LDLRAD4: variants seen among roughly 807,000 people sequenced by gnomAD.
The protein encoded by LDLRAD4 is low-density lipoprotein receptor class A domain-containing protein 4.
In LDLRAD4, 5 loss-of-function variants were observed where a neutral mutation model predicts 17.0. The observed-to-expected ratio is 0.29, with a 90% CI of 0.15 to 0.62. The LOEUF (loss-of-function observed/expected upper bound fraction) is 0.62, where lower values mean the gene tolerates loss of function less well. LDLRAD4 is among the 20% of genes least tolerant of loss of function. The probability of loss-of-function intolerance (pLI) is 0.84; values close to 1 mark genes in which losing one functional copy is unlikely to be tolerated. For synonymous variants in LDLRAD4, 168 were observed against 171.8 expected (o/e 0.98, Z 0.17); for missense variants, 340 against 424.7 (o/e 0.80, Z 1.75).
intron 3 of LDLRAD4, among the ~76,000 whole-genome samples, chr18:13,593,150 TA>T (rs1279265604): frequency 6.6e-6 from 1 of 152,080 alleles, no homozygotes; most frequent in Admixed American, 6.5e-5. Flanking sequence ...CTGACTCTAC[TA>T]AAAGTACATA....
upstream of LDLRAD4, among the ~76,000 whole-genome samples, chr18:13,274,346 C>T (rs1394060878): frequency 6.6e-6 from 1 of 152,200 alleles, no homozygotes; most frequent in Non-Finnish European, 1.5e-5. Context: ...AGGGGTCGGC[C>T]AGTGACCCCT....
At chr18:13,259,831 C>G (rs557300711) in intron 1 of LDLRAD4, among the ~76,000 whole-genome samples, 6 of 152,290 alleles carry the variant, frequency 3.9e-5, no homozygotes, top group Middle Eastern at 6.8e-3. Flanking sequence ...CTTGGCTGTA[C>G]CTGTAATGAC....
chr18:13,488,067 G>C (rs1275246692), intron 3 of LDLRAD4: 1 of 152,428 alleles, frequency 6.6e-6, no homozygotes, highest in East Asian at 1.9e-4. Context: ...TGGAAAAGCA[G>C]CCATCTGGCC....
chr18:13,282,793 T>C (rs977984993), intron 1 of LDLRAD4, among the ~76,000 whole-genome samples: 1 of 152,220 alleles, frequency 6.6e-6, no homozygotes, highest in African/African-American at 2.4e-5. Context: ...CATGCCCCAG[T>C]AGGGACTCTG....
At chr18:13,626,544 A>G (rs2041184772) in intron 4 of LDLRAD4, among the ~76,000 whole-genome samples, 1 of 152,252 alleles carries the variant, frequency 6.6e-6, no homozygotes, top group Non-Finnish European at 1.5e-5. Flanking sequence ...AGATTGAAGC[A>G]TATGAAATTG....
At chr18:13,532,757 C>T (rs1234742615) in intron 3 of LDLRAD4, among the ~76,000 whole-genome samples, 2 of 152,324 alleles carry the variant, frequency 1.3e-5, no homozygotes, top group Admixed American at 1.3e-4. Flanking sequence ...AGCAGTGGCG[C>T]TTGTGAAATA....
At position 13,322,290 on chromosome 18, in the gene LDLRAD4, C is replaced by CTTTT. The variant is rs370707500; in HGVS notation, c.-383+44120_-383+44123dup. ...TTATTTAAGCCAGTCACTTTTCTCA[C>CTTTT]TTTTTTTTTTTTTTTTTTTTTGGTT... On this transcript the variant is annotated intron_variant, in intron 1 of 5. Coordinates refer to ENST00000359446, the Ensembl canonical transcript of LDLRAD4. 3.7e-4 allele frequency among the ~76,000 whole-genome samples: 41 copies of CTTTT among 109,736 alleles called. 1 individual carries two copies. The highest frequency in any genetic ancestry group is 1.3e-3 in the African/African-American group (35 of 26,460). The allele number at this position is 109,736 out of a possible 152,430, so 72.0% of individuals were successfully genotyped here.
chr18:13,558,910 T>A (rs920239530), intron 3 of LDLRAD4, among the ~76,000 whole-genome samples: 7 of 2,892 alleles, frequency 2.4e-3, no homozygotes, highest in African/African-American at 3.7e-3. Context: ...CAAGAGCAAG[T>A]CATCGGGGGC....
chr18:13,645,442 G>T lies in LDLRAD4; in HGVS notation c.706G>T (p.Gly236Cys). 6.2e-7 allele frequency: 1 copy of T among 1,614,026 alleles called. No individual in the cohort carries two copies. The highest frequency in any genetic ancestry group is 8.5e-7 in the Non-Finnish European group (1 of 1,180,012). Residue 236 changes from glycine (G) to cysteine (C), a missense_variant, in exon 6 of 6, where the codon GGC becomes TGC. Gly to Cys is a radical substitution (Grantham distance 159). Coordinates refer to ENST00000359446, the Ensembl canonical transcript of LDLRAD4. The surrounding 1 kb of genome is among the most constrained non-coding windows in gnomAD (Gnocchi z 5.7). ...TCCATGCCCACCCAGCAGCAACTCG[G>T]GCATCAGTGCAAGCACCTGCAGCAG...
chr18:13,448,827 A>G (rs1405590375), intron 3 of LDLRAD4, among the ~76,000 whole-genome samples: 5 of 152,160 alleles, frequency 3.3e-5, no homozygotes, highest in Admixed American at 3.3e-4. Flanking sequence ...CTGAAGAAAT[A>G]AAGCTGAAGT....
intron 1 of LDLRAD4, among the ~76,000 whole-genome samples, chr18:13,246,487 G>A (rs4797750): frequency 0.34 from 51,287 of 152,180 alleles, 9,090 homozygotes; most frequent in Non-Finnish European, 0.4. Flanking sequence ...AGGAGATGGG[G>A]AGTGATTTAT....
At chr18:13,646,511 T>TAAG (rs2043022596) in exon 6 of LDLRAD4, 1 of 152,292 alleles carries the variant, frequency 6.6e-6, no homozygotes, top group Admixed American at 6.5e-5. Context: ...TAGGGAAGAT[T>TAAG]AAGTTCCAGC....
chr18:13,313,106 G>A (rs764252882), intron 1 of LDLRAD4, among the ~76,000 whole-genome samples: 22 of 152,286 alleles, frequency 1.4e-4, no homozygotes, highest in Middle Eastern at 3.4e-3. Flanking sequence ...ATGCTAAAGA[G>A]GGTCCCACAC....
chr18:13,474,408 G>C (rs750502994), intron 3 of LDLRAD4, among the ~76,000 whole-genome samples: 4 of 152,202 alleles, frequency 2.6e-5, no homozygotes, highest in Admixed American at 1.3e-4. Flanking sequence ...TCAGGAGTTA[G>C]ACACGTGTCA....
intron 1 of LDLRAD4, among the ~76,000 whole-genome samples, chr18:13,340,257 T>G (rs916005054): frequency 1.3e-5 from 2 of 152,186 alleles, no homozygotes; most frequent in African/African-American, 4.8e-5. Flanking sequence ...TTCGAGTCCT[T>G]GCTTTCAGTT....
chr18:13,621,842 G>A lies in LDLRAD4; in HGVS notation c.336+571G>A, dbSNP rs1199423702. On this transcript the variant is annotated intron_variant, in intron 4 of 5. Coordinates refer to ENST00000359446, the Ensembl canonical transcript of LDLRAD4. The surrounding 1 kb of genome is among the most constrained non-coding windows in gnomAD (Gnocchi z 5.5). ...TGGGCTTGTCGGCGGTAGGGTTGTC[G>A]GCGGTGGGTTGTGGAGGGTGGGGTT... Among the ~76,000 whole-genome samples, 5 of 151,880 alleles carry A rather than the reference G, an allele frequency of 3.3e-5. No homozygotes were observed. The highest frequency in any genetic ancestry group is 4.8e-5 in the African/African-American group (2 of 41,344).
At chr18:13,626,151 G>T (rs917969713) in intron 4 of LDLRAD4, among the ~76,000 whole-genome samples, 1 of 152,132 alleles carries the variant, frequency 6.6e-6, no homozygotes, top group African/African-American at 2.4e-5. Flanking sequence ...AGATAGCAGC[G>T]GCGGGTCCGG....
intron 1 of LDLRAD4, among the ~76,000 whole-genome samples, chr18:13,294,183 C>T (rs1023686957): frequency 6.6e-6 from 1 of 152,220 alleles, no homozygotes; most frequent in Non-Finnish European, 1.5e-5. Flanking sequence ...TAATTAACCT[C>T]CGGTGATTTA....
At chr18:13,372,931 C>T (rs1380310468) in intron 1 of LDLRAD4, among the ~76,000 whole-genome samples, 1 of 152,218 alleles carries the variant, frequency 6.6e-6, no homozygotes, top group Non-Finnish European at 1.5e-5. Flanking sequence ...TTGTGGGAAG[C>T]TTGCTGTCTG....
Sources: gnomAD v4.1 joint callset for allele counts (sites outside exome capture counted in the v4.1 genomes callset) on GRCh38, gnomAD v4.1.1 for gene constraint, Gnocchi (gnomAD v3.1) non-coding constraint, MANE v1.5 for transcripts, NCBI Gene and HGNC (gene_info 2026-07-23, HGNC 2026-07-21) for gene names.